NCOR1: variants seen among roughly 807,000 people sequenced by gnomAD.
The protein encoded by NCOR1 is nuclear receptor corepressor 1, also known as protein phosphatase 1, regulatory subunit 109.
Under a neutral mutation model 288.1 loss-of-function variants are expected in NCOR1, and 63 were observed. That is an observed-to-expected ratio of 0.22 (90% CI 0.18 to 0.27). The LOEUF (loss-of-function observed/expected upper bound fraction) is 0.27, where lower values mean the gene tolerates loss of function less well. Among genes scored for constraint, NCOR1 ranks in the 10% least tolerant of loss-of-function variants. NCOR1 has a pLI of 1.00. For missense variants in NCOR1, 2,397 were observed against 3,019.2 expected (o/e 0.79, Z 4.83); for synonymous variants, 1,007 against 1,065.9 (o/e 0.94, Z 1.08).
At chr17:16,067,014 G>A (rs1269661872) in intron 32 of NCOR1, among the ~76,000 whole-genome samples, 2 of 152,180 alleles carry the variant, frequency 1.3e-5, no homozygotes, top group Non-Finnish European at 2.9e-5. Context: ...AGCCAATAGC[G>A]GCAAGGAAGA....
chr17:16,197,182 A>G (rs1478475891), intron 1 of NCOR1, among the ~76,000 whole-genome samples: 2 of 151,692 alleles, frequency 1.3e-5, no homozygotes, highest in Non-Finnish European at 2.9e-5. Context: ...TTAGCCACGC[A>G]TGGTGGCGCG....
At position 16,171,589 on chromosome 17, in the gene NCOR1, G is replaced by A. The variant is rs1336606638; in HGVS notation, c.435+214C>T. On this transcript the variant is annotated intron_variant, in intron 4 of 45. Transcript: ENST00000268712. ...TTTATGGGAGCAGTCTTCTTGGACT[G>A]TTTTCACTTACCGAAAAGGCAAAAG... Among the ~76,000 whole-genome samples, 22 of 152,168 alleles carry A rather than the reference G, an allele frequency of 1.4e-4. 1 individual carries two copies. The highest frequency in any genetic ancestry group is 1.4e-3 in the Admixed American group (22 of 15,274).
chr17:16,064,919 T>C lies in NCOR1; in HGVS notation c.5052A>G (p.Thr1684=). 1 of 1,613,934 alleles carries C rather than the reference T, an allele frequency of 6.2e-7. No homozygotes were observed. The highest frequency in any genetic ancestry group is 8.5e-7 in the Non-Finnish European group (1 of 1,179,862). ...ACGGCCTGGGAGGGAAAGTAATCTG[T>C]GTACCAGGAATATAAGTGATTCTGT... ...PMDRITYIPG[T]QITFPPRPYN... is the part of the protein sequence containing the mutation. Residue 1684 remains threonine, a synonymous_variant, in exon 34 of 46, where the codon ACA becomes ACG. Coordinates refer to ENST00000268712, the MANE Select transcript of NCOR1 (RefSeq NM_006311.4).
At chr17:16,146,945 G>C (rs2078077685) in intron 9 of NCOR1, among the ~76,000 whole-genome samples, 1 of 152,120 alleles carries the variant, frequency 6.6e-6, no homozygotes, top group Non-Finnish European at 1.5e-5. Context: ...GCAACCATAT[G>C]AACATTTTGT....
At chr17:16,165,261 T>G in intron 4 of NCOR1, 100 bp from the exon 5 acceptor site, 1 of 879,070 alleles carries the variant, frequency 1.1e-6, no homozygotes, top group Non-Finnish European at 1.7e-6. Context: ...CAGAGCCATG[T>G]GTACTATTTG....
chr17:16,188,710 A>T (rs2087353671), intron 2 of NCOR1, among the ~76,000 whole-genome samples: 2 of 152,012 alleles, frequency 1.3e-5, no homozygotes, highest in Admixed American at 1.3e-4. Flanking sequence ...GGACCTAGAA[A>T]ATATTAATAA....
At chr17:16,207,745 AAAAAAAAAAAGAAAAG>A (rs1159815092) in intron 1 of NCOR1, among the ~76,000 whole-genome samples, 8 of 151,128 alleles carry the variant, frequency 5.3e-5, no homozygotes, top group African/African-American at 1.9e-4. Flanking sequence ...TCTCCAAAAA[AAAAAAAAAAAGAAAAG>A]AAAAGAAAAG....
Position 16,068,059 on chromosome 17 carries a change from T to A in NCOR1, c.4576A>T (p.Arg1526Trp). The part of the protein sequence containing the change: ...ERKSTLTPTQ[R>W]ESIPAKSPVP... ...GGAGACTTCGCTGGGATACTTTCCC[T>A]CTGGGTAGGGGTCAGTGTCGATTTC... Residue 1526 changes from arginine (R) to tryptophan (W), a missense_variant, in exon 32 of 46, where the codon AGG (arginine) becomes TGG (tryptophan). This residue lies in a region of NCOR1 where 1,872 missense variants were observed against 2,187.8 expected (regional missense o/e 0.86). Transcript: ENST00000268712. 1 of 1,614,196 alleles carries A rather than the reference T, an allele frequency of 6.2e-7. No homozygotes were observed.
Position 16,095,421 on chromosome 17 carries a change from G to A in NCOR1, c.2820+2946C>T, listed in dbSNP as rs1168193450. 2.5e-4 allele frequency among the ~76,000 whole-genome samples: 36 copies of A among 146,336 alleles called. No homozygotes were observed. In the East Asian group the frequency reaches 4.8e-3, roughly 20 times the overall value. On this transcript the variant is annotated intron_variant, in intron 21 of 45. Transcript: ENST00000268712. Reference sequence around the variant, plus strand: ...GGGGTCAGCCCCCGCCAGGCCAGCCGCCCCATCCGGGAGGGAGGTGGGGGG... The same window carrying A: ...GGGGTCAGCCCCCGCCAGGCCAGCCACCCCATCCGGGAGGGAGGTGGGGGG...
chr17:16,117,846 T>TA (rs764041688), intron 18 of NCOR1, 42 bp downstream of exon 18: 9 of 1,589,578 alleles, frequency 5.7e-6, no homozygotes, highest in Admixed American at 3.5e-5. Flanking sequence ...ACACTCTAAG[T>TA]AAAAAACAGT....
chr17:16,183,403 T>A (rs1353632699), intron 3 of NCOR1, among the ~76,000 whole-genome samples: 1 of 150,724 alleles, frequency 6.6e-6, no homozygotes, highest in Non-Finnish European at 1.5e-5. Context: ...CCAGTAAAGT[T>A]GCAGGATACA....
At chr17:16,198,767 G>A (rs1048310868) in intron 1 of NCOR1, 1 of 151,386 alleles carries the variant, frequency 6.6e-6, no homozygotes, top group Non-Finnish European at 1.5e-5. Context: ...GAACATTCAT[G>A]CATTTTGTAA....
intron 23 of NCOR1, among the ~76,000 whole-genome samples, chr17:16,081,214 G>GT (rs66769265): frequency 0.44 from 59,805 of 136,204 alleles, 14,192 homozygotes; most frequent in Middle Eastern, 0.58. Context: ...TTTTCTTTTT[G>GT]TTTTTTTTTT....
At chr17:16,044,895 G>T in intron 42 of NCOR1, 1 of 720,854 alleles carries the variant, frequency 1.4e-6, no homozygotes, top group Non-Finnish European at 2.4e-6. Context: ...TGAGAAGAAA[G>T]TGGAAGCAAA....
intron 1 of NCOR1, among the ~76,000 whole-genome samples, chr17:16,206,846 A>G (rs1249783832): frequency 1.3e-5 from 2 of 152,190 alleles, no homozygotes; most frequent in Non-Finnish European, 2.9e-5. Context: ...AGAAAAGAAA[A>G]CTGGAAGAAT....
At position 16,144,892 on chromosome 17, in the gene NCOR1, C is replaced by T. The variant is rs1043760957; in HGVS notation, c.1083-1196G>A. 5.3e-4 allele frequency among the ~76,000 whole-genome samples: 80 copies of T among 150,100 alleles called. 1 individual carries two copies. Among genetic ancestry groups the T allele is most frequent in the Middle Eastern group, 3.5e-3 (1 of 282 alleles). On this transcript the variant is annotated intron_variant, in intron 10 of 45. Coordinates refer to ENST00000268712, the MANE Select transcript of NCOR1 (RefSeq NM_006311.4). Reference sequence around the variant, plus strand: ...TGATCTCCTCCCTCTCCCCTTCTCCCGCTTTCCACGGTCTCCCCTCTCCCT... The same window carrying T: ...TGATCTCCTCCCTCTCCCCTTCTCCTGCTTTCCACGGTCTCCCCTCTCCCT...
intron 18 of NCOR1, among the ~76,000 whole-genome samples, chr17:16,114,344 C>T (rs1192318127): frequency 1.3e-5 from 2 of 152,048 alleles, no homozygotes; most frequent in Non-Finnish European, 2.9e-5. Context: ...TGGGTGGGGA[C>T]ACAGCCATAC....
At chr17:16,044,168 CA>C (rs34691717) in intron 42 of NCOR1, among the ~76,000 whole-genome samples, 4,226 of 82,720 alleles carry the variant, frequency 0.051, 145 homozygotes, top group African/African-American at 0.18. Context: ...GACTCCATCT[CA>C]AAAAAAAAAA....
At chr17:16,087,275 A>G (rs1219559395) in intron 22 of NCOR1, 1 of 1,304,146 alleles carries the variant, frequency 7.7e-7, no homozygotes, top group Non-Finnish European at 1.0e-6. Context: ...TTGCTGCAGT[A>G]TTGTGCATCT....
Sources: allele counts gnomAD v4.1 joint callset (sites outside exome capture counted in the v4.1 genomes callset), GRCh38; gene constraint gnomAD v4.1.1; regional missense constraint gnomAD v4.1.1; transcripts MANE v1.5; gene names NCBI Gene and HGNC (gene_info 2026-07-23, HGNC 2026-07-21).